NARS2: variants seen among roughly 807,000 people sequenced by gnomAD.
NARS2 encodes asparaginyl-tRNA synthetase 2, mitochondrial, also known as asparaginyl-tRNA synthetase.
NARS2 carries 60 observed loss-of-function variants against 62.9 expected under a neutral mutation model. The ratio of observed to expected loss-of-function variants is 0.95; its 90% CI spans 0.77 to 1.18. The LOEUF is 1.18. NARS2 is among the 50% of genes most tolerant of loss of function. The pLI is 0.00. For missense variants in NARS2, 619 were observed against 576.4 expected (o/e 1.07, Z -0.76); for synonymous variants, 196 against 200.0 (o/e 0.98, Z 0.17).
Position 78,572,025 on chromosome 11 carries a change from T to TA in NARS2, c.142-582dup, listed in dbSNP as rs201418281. ...GGTGAAACCCTGTCTCTACCGAAAATACAAAAATTAGCCGGGAGTGTTGGC... is the reference window on the plus strand; with the variant it reads ...GGTGAAACCCTGTCTCTACCGAAAATAACAAAAATTAGCCGGGAGTGTTGGC... On this transcript the variant is annotated intron_variant, in intron 1 of 13. Transcript: ENST00000281038. Among the ~76,000 whole-genome samples the TA allele has an allele frequency of 6.4e-3, 969 of 151,850 alleles. 5 individuals carry two copies. Among genetic ancestry groups the TA allele is most frequent in the African/African-American group, 0.022 (923 of 41,384 alleles).
chr11:78,460,079 G>T (rs1006850016), intron 11 of NARS2, among the ~76,000 whole-genome samples: 2 of 152,132 alleles, frequency 1.3e-5, no homozygotes, highest in East Asian at 3.9e-4. Flanking sequence ...AGAACTGCAC[G>T]TCTGAAGACA....
At chr11:78,514,673 G>C (rs935137251) in intron 6 of NARS2, among the ~76,000 whole-genome samples, 1 of 152,160 alleles carries the variant, frequency 6.6e-6, no homozygotes, top group African/African-American at 2.4e-5. Flanking sequence ...TAACAGAAGA[G>C]TGGAGTCCCA....
chr11:78,484,113 A>T (rs1295498531), intron 7 of NARS2, among the ~76,000 whole-genome samples: 6 of 152,190 alleles, frequency 3.9e-5, no homozygotes, highest in African/African-American at 1.4e-4. Flanking sequence ...GATTTTTGAC[A>T]AACCTGACAA....
At chr11:78,452,315 G>T (rs1857999205) in intron 11 of NARS2, among the ~76,000 whole-genome samples, 1 of 151,846 alleles carries the variant, frequency 6.6e-6, no homozygotes. Context: ...CACCATGTTG[G>T]CCAGGCTGGT....
Position 78,436,105 on chromosome 11 carries a change from A to C in NARS2, c.*565T>G, listed in dbSNP as rs1857403611. Reference sequence around the variant, plus strand: ...TGAAAATTGAAAAGCAACAGTTATTAAACATGATTTTTTCATCCAGTTCAA... The same window carrying C: ...TGAAAATTGAAAAGCAACAGTTATTCAACATGATTTTTTCATCCAGTTCAA... On this transcript the variant is annotated 3_prime_UTR_variant, in exon 14 of 14. Coordinates refer to ENST00000281038, the MANE Select transcript of NARS2 (RefSeq NM_024678.6). 6.6e-6 allele frequency: 1 copy of C among 152,302 alleles called. No individual in the cohort carries two copies. Among genetic ancestry groups the C allele is most frequent in the Admixed American group, 6.5e-5 (1 of 15,294 alleles). 9.4% of individuals were successfully genotyped at this position (152,302 alleles called of 1,614,324 possible).
intron 9 of NARS2, among the ~76,000 whole-genome samples, chr11:78,473,942 T>C (rs1173211255): frequency 1.3e-5 from 2 of 152,118 alleles, no homozygotes; most frequent in African/African-American, 4.8e-5. Flanking sequence ...ATCTCTGGTT[T>C]CAAAAACTGG....
At chr11:78,571,298 C>T (rs757366466) in intron 2 of NARS2, 37 bp downstream of exon 2, 1 of 1,435,246 alleles carries the variant, frequency 7.0e-7, no homozygotes, top group African/African-American at 1.4e-5. Flanking sequence ...AGGTGAAAAA[C>T]AAAAATCAAA....
chr11:78,472,955 C>G (rs1326255736), intron 9 of NARS2, among the ~76,000 whole-genome samples: 1 of 152,216 alleles, frequency 6.6e-6, no homozygotes, highest in Non-Finnish European at 1.5e-5. Flanking sequence ...AGCACCATCT[C>G]ATTATGCTTT....
intron 4 of NARS2, among the ~76,000 whole-genome samples, chr11:78,563,830 A>C (rs1384435336): frequency 1.8e-4 from 3 of 16,750 alleles, no homozygotes; most frequent in Non-Finnish European, 3.4e-4. Context: ...ACTCTGTATC[A>C]AAAAAAAAAA....
At chr11:78,571,209 G>A in intron 2 of NARS2, 126 bp downstream of exon 2, 1 of 611,616 alleles carries the variant, frequency 1.6e-6, no homozygotes, top group South Asian at 2.1e-5. Context: ...GATCCTCAAA[G>A]CTATTAAAGC....
chr11:78,570,495 C>A (rs905889610), intron 2 of NARS2, among the ~76,000 whole-genome samples: 4 of 152,190 alleles, frequency 2.6e-5, no homozygotes, highest in African/African-American at 4.8e-5. Flanking sequence ...TCAAGAGATG[C>A]TCTAGCCTCA....
At position 78,566,138 on chromosome 11, in the gene NARS2, G is replaced by A. The variant is rs1590873883; in HGVS notation, c.507C>T (p.Phe169=). 1 of 1,605,368 alleles carries A rather than the reference G, an allele frequency of 6.2e-7. No individual in the cohort carries two copies. The highest frequency in any genetic ancestry group is 8.5e-7 in the Non-Finnish European group (1 of 1,176,188). Residue 169 remains phenylalanine (F), a synonymous_variant, in exon 4 of 14, where the codon TTC becomes TTT. Transcript: ENST00000281038. ...RSEATAAIHS[F]FKDSGFVHIH... ...GGAACTTTTAGGATCTTACCTTAAA[G>A]AAAGAATGAATAGCAGCTGTCGCTT...
intron 5 of NARS2, among the ~76,000 whole-genome samples, chr11:78,554,775 A>T (rs1207082540): frequency 2.0e-5 from 3 of 152,076 alleles, no homozygotes; most frequent in Non-Finnish European, 4.4e-5. Flanking sequence ...ATCTTGCCTG[A>T]CTGCTGTGGC....
At chr11:78,561,164 G>A (rs1436947982) in intron 4 of NARS2, among the ~76,000 whole-genome samples, 2 of 152,138 alleles carry the variant, frequency 1.3e-5, no homozygotes, top group African/African-American at 4.8e-5. Flanking sequence ...CATTACAAAA[G>A]GGCCCAGCAG....
rs985722589 is a variant in NARS2, at chr11:78,478,428, A to C, written c.959+10T>G. 9.6e-7 allele frequency: 1 copy of C among 1,038,966 alleles called. No homozygotes were observed. The highest frequency in any genetic ancestry group is 1.4e-6 in the Non-Finnish European group (1 of 731,200). The allele number at this position is 1,038,966 out of a possible 1,614,324, so 64.4% of individuals were successfully genotyped here. On this transcript the variant is annotated intron_variant, in intron 9 of 13. Transcript: ENST00000281038. ...ATGAATAAAGTTCAAAAAGTATAAC[A>C]TCTACTTACATTAAAAAGTTGTTTT...
intron 5 of NARS2, among the ~76,000 whole-genome samples, chr11:78,549,410 A>C (rs1037283200): frequency 6.6e-6 from 1 of 152,228 alleles, no homozygotes; most frequent in Non-Finnish European, 1.5e-5. Context: ...CTTTACCCAA[A>C]GGAACTGACT....
At chr11:78,531,288 G>A (rs1861468692) in intron 5 of NARS2, among the ~76,000 whole-genome samples, 1 of 151,876 alleles carries the variant, frequency 6.6e-6, no homozygotes, top group African/African-American at 2.4e-5. Flanking sequence ...TTTTTCAAGT[G>A]CACAGGGACC....
intron 6 of NARS2, among the ~76,000 whole-genome samples, chr11:78,524,899 T>G (rs1861242367): frequency 6.6e-6 from 1 of 152,090 alleles, no homozygotes; most frequent in African/African-American, 2.4e-5. Context: ...AACCAAAAGA[T>G]GTCTTTCAAC....
intron 11 of NARS2, among the ~76,000 whole-genome samples, chr11:78,465,023 C>A (rs1054305004): frequency 1.6e-4 from 24 of 152,174 alleles, no homozygotes; most frequent in African/African-American, 5.8e-4. Flanking sequence ...GAGCAGGGGG[C>A]GGCGCTCGTC....
Sources: allele counts gnomAD v4.1 joint callset (sites outside exome capture counted in the v4.1 genomes callset), GRCh38; gene constraint gnomAD v4.1.1; transcripts MANE v1.5; gene names NCBI Gene and HGNC (gene_info 2026-07-23, HGNC 2026-07-21).